Variants in HIBCH observed in about 807,000 individuals in gnomAD.
HIBCH encodes the protein 3-hydroxyisobutyryl-CoA hydrolase.
A neutral mutation model predicts 58.2 loss-of-function variants in HIBCH; 50 were observed. That is an observed-to-expected ratio of 0.86 (90% confidence interval 0.68 to 1.09). The LOEUF is 1.09. Among genes scored for constraint, HIBCH ranks in the 50% least tolerant of loss-of-function variants. The pLI is 0.00. For missense variants in HIBCH, 450 were observed against 449.7 expected (o/e 1.00, Z -0.01); for synonymous variants, 151 against 146.9 (o/e 1.03, Z -0.20).
intron 5 of HIBCH, among the ~76,000 whole-genome samples, chr2:190,288,253 T>C (rs1687880659): frequency 6.6e-6 from 1 of 150,470 alleles, no homozygotes; most frequent in African/African-American, 2.5e-5. Flanking sequence ...AATTAACCCA[T>C]AATTCATTCT....
Position 190,204,817 on chromosome 2 carries a change from A to G in HIBCH, c.*300T>C, listed in dbSNP as rs1381225862. On this transcript the variant is annotated 3_prime_UTR_variant, in exon 14 of 14. Transcript: ENST00000359678. Reference sequence around the variant, plus strand: ...CAAACTTTTTTCTGACAAAAACCAGACAGTAAATAATTAGGCTTTGTAGGC... The same window carrying G: ...CAAACTTTTTTCTGACAAAAACCAGGCAGTAAATAATTAGGCTTTGTAGGC... 7.0e-6 allele frequency: 2 copies of G among 284,948 alleles called. No individual in the cohort carries two copies. Among genetic ancestry groups the G allele is most frequent in the Admixed American group, 9.7e-5 (2 of 20,718 alleles). The allele number at this position is 284,948 out of a possible 1,614,324, so 17.7% of individuals were successfully genotyped here. A position where few individuals can be genotyped will look rare whatever the true frequency, so the allele number is the denominator to read the frequency against.
intron 11 of HIBCH, among the ~76,000 whole-genome samples, chr2:190,218,196 GA>G (rs1559015700): frequency 6.7e-6 from 1 of 148,938 alleles, no homozygotes; most frequent in African/African-American, 2.5e-5. Context: ...TCCTAAAACA[GA>G]CCGTTATTGG....
chr2:190,204,221 G>A lies in HIBCH; in HGVS notation c.*896C>T, dbSNP rs892228614. 2 of 151,870 alleles carry A rather than the reference G, an allele frequency of 1.3e-5. No individual in the cohort carries two copies. The highest frequency in any genetic ancestry group is 4.8e-5 in the African/African-American group (2 of 41,394). The allele number at this position is 151,870 out of a possible 1,614,324, so 9.4% of individuals were successfully genotyped here. The stretch of plus-strand genomic sequence containing the variant: ...ATATCTTTTGAACAAAAGTCTTCTT[G>A]CTTTCAATTAATTTTTTTCTCCTGA... On this transcript the variant is annotated 3_prime_UTR_variant, in exon 14 of 14. Coordinates refer to ENST00000359678, the MANE Select transcript of HIBCH (RefSeq NM_014362.4).
At chr2:190,313,560 T>G (rs1278248381) in intron 1 of HIBCH, among the ~76,000 whole-genome samples, 2 of 151,824 alleles carry the variant, frequency 1.3e-5, no homozygotes, top group East Asian at 3.9e-4. Context: ...ATCTAACAAT[T>G]TTGGTATTTC....
intron 6 of HIBCH, among the ~76,000 whole-genome samples, chr2:190,264,305 G>C (rs1687172667): frequency 6.8e-6 from 1 of 146,770 alleles, no homozygotes; most frequent in Non-Finnish European, 1.5e-5. Flanking sequence ...AAACTCTCTT[G>C]ATGTATAATA....
intron 10 of HIBCH, 141 bp from the exon 11 acceptor site, chr2:190,245,109 G>A (rs1374314520): frequency 1.5e-5 from 10 of 677,924 alleles, no homozygotes; most frequent in Non-Finnish European, 2.2e-5. Flanking sequence ...GACGTGAAAA[G>A]AAAGAGAGCA....
Position 190,240,273 on chromosome 2 carries a change from T to C in HIBCH, c.891+4614A>G, listed in dbSNP as rs1686411465. Among the ~76,000 whole-genome samples, 3 of 152,220 alleles carry C rather than the reference T, an allele frequency of 2.0e-5. No individual in the cohort carries two copies. The East Asian group carries it at 5.8e-4, about 29-fold the overall frequency. ...ATTTATCCATTTCTTCTAGAGTTTCTAGTTTATTTGTGGAGAGGTGTTTAC... is the reference window on the plus strand; with the variant it reads ...ATTTATCCATTTCTTCTAGAGTTTCCAGTTTATTTGTGGAGAGGTGTTTAC... On this transcript the variant is annotated intron_variant, in intron 11 of 13. Coordinates refer to ENST00000359678, the MANE Select transcript of HIBCH (RefSeq NM_014362.4).
rs534964551 is a variant in HIBCH at position 190,192,594 on chromosome 2, G to A, written c.*18-2597C>T. Among the ~76,000 whole-genome samples the A allele has an allele frequency of 1.8e-4, 28 of 151,990 alleles. No individual in the cohort carries two copies. The South Asian group carries it at 5.6e-3, about 30-fold the overall frequency. On this transcript the variant is annotated intron_variant, in intron 1 of 1. Coordinates refer to the HIBCH transcript ENST00000399855. ...CAGAAAAGCCTGCTGGAATTTTGCCGAATATACATGTTAATTTGGGGAGGA... is the reference window on the plus strand; with the variant it reads ...CAGAAAAGCCTGCTGGAATTTTGCCAAATATACATGTTAATTTGGGGAGGA...
At position 190,252,268 on chromosome 2, in the gene HIBCH, C is replaced by A; in HGVS notation, c.557G>T (p.Arg186Leu). The change falls in exon 8 of 14, where the codon CGA (arginine) becomes CTA (leucine). Residue 186 changes from arginine to leucine, a missense_variant. By Grantham distance (102) the Arg-to-Leu change is moderately radical (BLOSUM62 -2). Coordinates refer to ENST00000359678, the MANE Select transcript of HIBCH (RefSeq NM_014362.4). Reference protein sequence around the residue: ...PDVGGGYFLPRLQGKLGYFLA... With the variant: ...PDVGGGYFLPLLQGKLGYFLA... ...GAAGTAACCAAGTTTTCCTTGGAGT[C>A]GTGGCAAGAAATAACCTCCACCCAC... 1.9e-6 allele frequency: 3 copies of A among 1,613,472 alleles called. No homozygotes were observed. The highest frequency in any genetic ancestry group is 1.1e-5 in the South Asian group (1 of 91,054).
chr2:190,311,737 T>C (rs1237345123), intron 1 of HIBCH, among the ~76,000 whole-genome samples: 6 of 152,374 alleles, frequency 3.9e-5, no homozygotes, highest in Middle Eastern at 3.4e-3. Context: ...TTTTAAAGAC[T>C]GTGTCTATTA....
Position 190,311,902 on chromosome 2 carries a change from C to T in HIBCH, c.36-1106G>A, listed in dbSNP as rs553867444. On this transcript the variant is annotated intron_variant, in intron 1 of 13. Transcript: ENST00000359678. ...GGCTAGGAATACAAAGCCTGAGACA[C>T]AGCTTGACCAAAGTGACCACTAATA... Among the ~76,000 whole-genome samples, 121 of 152,282 alleles carry T rather than the reference C, an allele frequency of 7.9e-4. 1 individual carries two copies. Among genetic ancestry groups the T allele is most frequent in the Non-Finnish European group, 1.5e-3 (100 of 68,028 alleles).
At chr2:190,286,280 G>A (rs115344859) in intron 6 of HIBCH, among the ~76,000 whole-genome samples, 2,948 of 152,124 alleles carry the variant, frequency 0.019, 100 homozygotes, top group African/African-American at 0.066. Flanking sequence ...GAATAATACC[G>A]TTTTTGTCCA....
intron 11 of HIBCH, chr2:190,213,551 C>T (rs1164036808): frequency 2.9e-5 from 5 of 170,894 alleles, no homozygotes; most frequent in South Asian, 1.4e-4. Flanking sequence ...CCTCCCGCTT[C>T]GTCCCCTTTT....
At chr2:190,271,901 A>T (rs1015698715) in intron 6 of HIBCH, among the ~76,000 whole-genome samples, 1 of 152,190 alleles carries the variant, frequency 6.6e-6, no homozygotes, top group Non-Finnish European at 1.5e-5. Flanking sequence ...AACTTTGCTC[A>T]AATATGAATT....
chr2:190,192,144 A>C (rs1689740049), intron 1 of HIBCH, among the ~76,000 whole-genome samples: 1 of 152,104 alleles, frequency 6.6e-6, no homozygotes, highest in South Asian at 2.1e-4. Flanking sequence ...ATAAGGTATA[A>C]GTAGATTTTG....
intron 6 of HIBCH, among the ~76,000 whole-genome samples, chr2:190,274,401 C>T (rs1687491931): frequency 6.6e-6 from 1 of 152,250 alleles, no homozygotes; most frequent in Admixed American, 6.5e-5. Context: ...TAACAGAGCA[C>T]TAGTCAACTT....
intron 1 of HIBCH, among the ~76,000 whole-genome samples, chr2:190,195,941 C>CTTTTTTTTTT (rs35679833): frequency 1.3e-4 from 11 of 86,168 alleles, no homozygotes; most frequent in East Asian, 3.6e-4. Context: ...CTGTGTCCAG[C>CTTTTTTTTTT]TTTTTTTTTT....
intron 6 of HIBCH, among the ~76,000 whole-genome samples, chr2:190,268,559 CAG>C (rs1559044000): frequency 6.6e-6 from 1 of 152,136 alleles, no homozygotes; most frequent in Non-Finnish European, 1.5e-5. Flanking sequence ...GATGAGTTTT[CAG>C]ACTGTTCCAA....
At chr2:190,290,883 T>C (rs1478148308) in intron 4 of HIBCH, among the ~76,000 whole-genome samples, 1 of 152,132 alleles carries the variant, frequency 6.6e-6, no homozygotes, top group African/African-American at 2.4e-5. Flanking sequence ...CAGTGCCACA[T>C]GCCTGTAGTT....
Sources: gnomAD v4.1 joint callset for allele counts (sites outside exome capture counted in the v4.1 genomes callset) on GRCh38, gnomAD v4.1.1 for gene constraint, MANE v1.5 for transcripts, NCBI Gene and HGNC (gene_info 2026-07-23, HGNC 2026-07-21) for gene names.